The following FAM3D variants were observed in gnomAD, a reference collection of about 807,000 sequenced individuals.
FAM3D encodes the protein protein FAM3D.
Under a neutral mutation model 29.8 loss-of-function variants are expected in FAM3D, and 26 were observed. The observed-to-expected ratio is 0.87, with a 90% CI of 0.64 to 1.21. The LOEUF is 1.21. Ranked by LOEUF, FAM3D falls within the 50% of genes most tolerant of loss-of-function variation. FAM3D has a pLI of 0.00. For missense variants in FAM3D, 253 were observed against 290.9 expected (o/e 0.87, Z 0.95); for synonymous variants, 115 against 102.3 (o/e 1.12, Z -0.75).
chr3:58,640,041 G>A, intron 7 of FAM3D, 86 bp downstream of exon 7: 3 of 1,454,862 alleles, frequency 2.1e-6, no homozygotes, highest in South Asian at 1.1e-5. Flanking sequence ...GGTACCTCGA[G>A]CCACCAGGTC....
chr3:58,635,656 C>A lies in FAM3D; in HGVS notation c.585+638G>T, dbSNP rs2066144813. 6.6e-6 allele frequency among the ~76,000 whole-genome samples: 1 copy of A among 152,252 alleles called. No individual in the cohort carries two copies. The highest frequency in any genetic ancestry group is 2.4e-5 in the African/African-American group (1 of 41,464). ...CACCCGGCCGCCCCCGCCCACCGGC[C>A]TCCTGCGTTCTTCACTGCGTTCAAG... is the stretch of plus-strand genomic sequence containing the variant. On this transcript the variant is annotated intron_variant, in intron 9 of 9. Transcript: ENST00000358781. The surrounding 1 kb of genome is among the most constrained non-coding windows in gnomAD (Gnocchi z 5.2).
chr3:58,651,986 CT>C (rs2066650407), intron 3 of FAM3D, among the ~76,000 whole-genome samples: 1 of 152,184 alleles, frequency 6.6e-6, no homozygotes, highest in African/African-American at 2.4e-5. Context: ...GAAGGAGTGA[CT>C]GGTTTACTTG....
At chr3:58,636,538 G>T in intron 8 of FAM3D, 118 bp from the exon 9 acceptor site, 2 of 1,433,644 alleles carry the variant, frequency 1.4e-6, no homozygotes, top group Non-Finnish European at 1.9e-6. Flanking sequence ...CTGCCCTGGG[G>T]GTGTCCAGAG....
chr3:58,635,886 T>C lies in FAM3D; in HGVS notation c.585+408A>G, dbSNP rs552501492. Among the ~76,000 whole-genome samples, 1 of 152,090 alleles carries C rather than the reference T, an allele frequency of 6.6e-6. No individual in the cohort carries two copies. Among genetic ancestry groups the C allele is most frequent in the Non-Finnish European group, 1.5e-5 (1 of 68,024 alleles). ...CCTCCCTGCCTTCTGACTTCCCTCCTCGTTTTCTCCATGCCTCGCCAGGGA... is the reference window on the plus strand; with the variant it reads ...CCTCCCTGCCTTCTGACTTCCCTCCCCGTTTTCTCCATGCCTCGCCAGGGA... On this transcript the variant is annotated intron_variant, in intron 9 of 9. Transcript: ENST00000358781. This position sits in a 1 kb window ranked among gnomAD's most constrained non-coding sequence, Gnocchi z 5.2.
Position 58,634,538 on chromosome 3 carries a change from C to A in FAM3D, c.586-170G>T. ...AGGGGATGCAACTTGCTCAAGATCT[C>A]AGAGATGGGATCAGAGCCCAGTTAA... On this transcript the variant is annotated intron_variant, in intron 9 of 9. Coordinates refer to ENST00000358781, the MANE Select transcript of FAM3D (RefSeq NM_138805.3). This position sits in a 1 kb window ranked among gnomAD's most constrained non-coding sequence, Gnocchi z 4.6. 1.7e-6 allele frequency: 1 copy of A among 596,430 alleles called. No individual in the cohort carries two copies. The highest frequency in any genetic ancestry group is 3.0e-5 in the East Asian group (1 of 32,928). 36.9% of individuals were successfully genotyped at this position (596,430 alleles called of 1,614,324 possible).
At chr3:58,645,923 G>C (rs2066465547) in intron 4 of FAM3D, among the ~76,000 whole-genome samples, 1 of 152,208 alleles carries the variant, frequency 6.6e-6, no homozygotes, top group Non-Finnish European at 1.5e-5. Context: ...GTAAACCTGA[G>C]TCACTATGAC....
chr3:58,651,084 G>A (rs1196341805), intron 3 of FAM3D, among the ~76,000 whole-genome samples: 1 of 152,168 alleles, frequency 6.6e-6, no homozygotes, highest in Non-Finnish European at 1.5e-5. Context: ...TGGTTTCTGT[G>A]CCATGATTCC....
chr3:58,645,430 A>C, intron 5 of FAM3D, 79 bp downstream of exon 5: 1 of 1,161,810 alleles, frequency 8.6e-7, no homozygotes, highest in African/African-American at 1.5e-5. Flanking sequence ...CAGCCCCTGC[A>C]GCCTCTGAGT....
At chr3:58,657,900 C>A (rs913175000) in intron 1 of FAM3D, 1 of 152,208 alleles carries the variant, frequency 6.6e-6, no homozygotes, top group Non-Finnish European at 1.5e-5. Context: ...ACCTGTTATT[C>A]AGGTTACAAA....
At chr3:58,641,985 T>G (rs2066347445) in intron 6 of FAM3D, among the ~76,000 whole-genome samples, 2 of 152,006 alleles carry the variant, frequency 1.3e-5, no homozygotes, top group Non-Finnish European at 2.9e-5. Flanking sequence ...CGCTGTGGGG[T>G]GAGGGCAGAT....
chr3:58,660,471 T>C (rs1575493749), intron 1 of FAM3D, among the ~76,000 whole-genome samples: 1 of 152,330 alleles, frequency 6.6e-6, no homozygotes, highest in Middle Eastern at 3.4e-3. Context: ...TGGGCAATTA[T>C]TGATCATGTC....
At chr3:58,636,452 C>T (rs199927752) in intron 8 of FAM3D, 32 bp from the exon 9 acceptor site, 9 of 1,611,016 alleles carry the variant, frequency 5.6e-6, no homozygotes, top group Admixed American at 3.3e-5. Context: ...GGTCAGGATG[C>T]GGGGGTGGGT....
intron 1 of FAM3D, among the ~76,000 whole-genome samples, chr3:58,662,188 C>T (rs997735907): frequency 1.8e-4 from 27 of 152,346 alleles, no homozygotes; most frequent in Admixed American, 6.5e-4. Flanking sequence ...TGCAGGCCTG[C>T]TGCTGGCCTA....
chr3:58,658,796 G>C (rs2066874352), intron 1 of FAM3D, among the ~76,000 whole-genome samples: 1 of 152,174 alleles, frequency 6.6e-6, no homozygotes, highest in Non-Finnish European at 1.5e-5. Context: ...TGGGGAGAGA[G>C]AGGCTCTCTT....
At position 58,636,302 on chromosome 3, in the gene FAM3D, A is replaced by T. The variant is rs1204983386; in HGVS notation, c.577T>A (p.Phe193Ile). 1.6e-5 allele frequency: 26 copies of T among 1,613,984 alleles called. No homozygotes were observed. The highest frequency in any genetic ancestry group is 2.2e-5 in the Non-Finnish European group (26 of 1,179,996). The change falls in exon 9 of 10, where the codon TTT (phenylalanine) becomes ATT (isoleucine). Residue 193 changes from phenylalanine (F) to isoleucine (I), a missense_variant. Physicochemically the swap from Phe to Ile is conservative, Grantham distance 21. Coordinates refer to ENST00000358781, the MANE Select transcript of FAM3D (RefSeq NM_138805.3). Reference sequence around the variant, plus strand: ...TGTGGCCCAGAACCCACCTGCTCAAAGGGGCTTTTACCCCTGAGGTCTTTG... The same window carrying T: ...TGTGGCCCAGAACCCACCTGCTCAATGGGGCTTTTACCCCTGAGGTCTTTG... ...GAKDLRGKSP[F>I]EQFLKNSPDT...
chr3:58,660,548 T>C (rs576841025), intron 1 of FAM3D, among the ~76,000 whole-genome samples: 1 of 152,304 alleles, frequency 6.6e-6, no homozygotes, highest in Non-Finnish European at 1.5e-5. Flanking sequence ...GTTTGAACAA[T>C]TTGTTCCAGT....
rs1329851186 is a variant in FAM3D, at chr3:58,634,128, G to A, written c.*151C>T. The A allele has an allele frequency of 7.8e-6, 5 of 637,610 alleles. No individual in the cohort carries two copies. The highest frequency in any genetic ancestry group is 3.8e-5 in the African/African-American group (2 of 53,328). 39.5% of individuals were successfully genotyped at this position (637,610 alleles called of 1,614,324 possible). A position where few individuals can be genotyped will look rare whatever the true frequency, so the allele number is the denominator to read the frequency against. On this transcript the variant is annotated 3_prime_UTR_variant, in exon 10 of 10. Transcript: ENST00000358781. The surrounding 1 kb of genome is among the most constrained non-coding windows in gnomAD (Gnocchi z 4.6). Reference sequence around the variant, plus strand: ...TGTGCTGTGGGAGGGTTCTGTTTCCGAGGAGGAGAGGCGCGACACAGCGTG... The same window carrying A: ...TGTGCTGTGGGAGGGTTCTGTTTCCAAGGAGGAGAGGCGCGACACAGCGTG...
chr3:58,654,619 C>A lies in FAM3D; in HGVS notation c.14-838G>T, dbSNP rs146601236. Among the ~76,000 whole-genome samples the A allele has an allele frequency of 2.6e-3, 399 of 152,304 alleles. 2 individuals are homozygous for A. The highest frequency in any genetic ancestry group is 9.1e-3 in the African/African-American group (377 of 41,558). On this transcript the variant is annotated intron_variant, in intron 2 of 9. Coordinates refer to ENST00000358781, the MANE Select transcript of FAM3D (RefSeq NM_138805.3). Reference sequence around the variant, plus strand: ...TCCCTGCTACCTTCTGAATCAGACCCACCCATTCTGCTCTGACTCTTGAGG... The same window carrying A: ...TCCCTGCTACCTTCTGAATCAGACCAACCCATTCTGCTCTGACTCTTGAGG...
Position 58,637,212 on chromosome 3 carries a change from T to G in FAM3D, c.387A>C (p.Leu129=), listed in dbSNP as rs760046582. The G allele has an allele frequency of 2.5e-6, 4 of 1,613,320 alleles. No individual in the cohort carries two copies. The South Asian group carries it at 4.4e-5, about 18-fold the overall frequency. The part of the protein sequence containing the change: ...FDMYSGDVMH[L]VKFLKEIPGG... ...CCGGAATTTCTTTAAGGAATTTCAC[T>G]AGGTGCATAACATCTGGGGGAGGAA... Residue 129 remains leucine (L), a synonymous_variant, in exon 8 of 10, where the codon CTA becomes CTC. Coordinates refer to ENST00000358781, the MANE Select transcript of FAM3D (RefSeq NM_138805.3).
Sources: gnomAD v4.1 joint callset for allele counts (sites outside exome capture counted in the v4.1 genomes callset) on GRCh38, gnomAD v4.1.1 for gene constraint, Gnocchi (gnomAD v3.1) non-coding constraint, MANE v1.5 for transcripts, NCBI Gene and HGNC (gene_info 2026-07-23, HGNC 2026-07-21) for gene names.